Variants in PHACTR2 observed in about 807,000 individuals in gnomAD.
The protein encoded by PHACTR2 is phosphatase and actin regulator 2.
In PHACTR2, 30 loss-of-function variants were observed where a neutral mutation model predicts 76.0. That is an observed-to-expected ratio of 0.39 (90% CI 0.30 to 0.54). The LOEUF is 0.54. Ranked by LOEUF, PHACTR2 falls within the 20% of genes least tolerant of loss-of-function variation. The pLI is 0.61. For synonymous variants in PHACTR2, 292 were observed against 292.5 expected (o/e 1.00, Z 0.02); for missense variants, 696 against 781.1 (o/e 0.89, Z 1.30).
In PHACTR2 at chr6:143,595,360, A is replaced by G. The variant is rs1425005691; in HGVS notation, c.217+58153A>G. On this transcript the variant is annotated intron_variant, in intron 1 of 11. Coordinates refer to the PHACTR2 transcript ENST00000367584. This position sits in a 1 kb window ranked among gnomAD's most constrained non-coding sequence, Gnocchi z 4.2. ...TATTTCCAGCATTCGACCAAAATGC[A>G]GGGATTTGGGCCACATTTACTTGGC... is the stretch of plus-strand genomic sequence containing the variant. 6.6e-6 allele frequency among the ~76,000 whole-genome samples: 1 copy of G among 152,246 alleles called. No homozygotes were observed. The highest frequency in any genetic ancestry group is 2.4e-5 in the African/African-American group (1 of 41,468).
chr6:143,759,520 G>C (rs1779383463), intron 4 of PHACTR2, among the ~76,000 whole-genome samples: 2 of 152,006 alleles, frequency 1.3e-5, no homozygotes, highest in South Asian at 2.1e-4. Context: ...TGGGCGTGGT[G>C]GCAAACACCT....
chr6:143,771,228 A>G (rs1241662575), intron 6 of PHACTR2, among the ~76,000 whole-genome samples: 6 of 99,550 alleles, frequency 6.0e-5, no homozygotes, highest in Non-Finnish European at 9.5e-5. Flanking sequence ...ATATATATAT[A>G]TATATATGCT....
chr6:143,663,822 A>G lies in PHACTR2; in HGVS notation c.14-48194A>G, dbSNP rs1450834864. Among the ~76,000 whole-genome samples, 1 of 152,132 alleles carries G rather than the reference A, an allele frequency of 6.6e-6. No homozygotes were observed. Among genetic ancestry groups the G allele is most frequent in the Non-Finnish European group, 1.5e-5 (1 of 68,012 alleles). ...GATTACTTAATATGAATTACTTAAA[A>G]TTTATTGAGATTTCTGTTATGATCT... On this transcript the variant is annotated intron_variant, in intron 1 of 11. Transcript: ENST00000305766. This position sits in a 1 kb window ranked among gnomAD's most constrained non-coding sequence, Gnocchi z 4.1.
rs1169594605 is a variant in PHACTR2 at position 143,602,426 on chromosome 6, G to A, written c.217+65219G>A. Reference sequence around the variant, plus strand: ...TTTCCAACCTCATTTCTTGAGCCAGGACTCTCCATTCAAGCAGAGCCTGGC... The same window carrying A: ...TTTCCAACCTCATTTCTTGAGCCAGAACTCTCCATTCAAGCAGAGCCTGGC... On this transcript the variant is annotated intron_variant, in intron 1 of 11. Transcript: ENST00000367584. This position sits in a 1 kb window ranked among gnomAD's most constrained non-coding sequence, Gnocchi z 6.1. Among the ~76,000 whole-genome samples the A allele has an allele frequency of 6.6e-6, 1 of 152,162 alleles. No homozygotes were observed. Among genetic ancestry groups the A allele is most frequent in the Non-Finnish European group, 1.5e-5 (1 of 68,024 alleles).
intron 2 of PHACTR2, among the ~76,000 whole-genome samples, chr6:143,721,513 C>T (rs1046231979): frequency 3.3e-5 from 5 of 152,154 alleles, no homozygotes; most frequent in African/African-American, 1.2e-4. Context: ...TCTCCAGCAG[C>T]CCTGATAACA....
rs1775072945 is a variant in PHACTR2 at position 143,550,123 on chromosome 6, A to G, written c.217+12916A>G. ...CCACTCTGAGTTCACATATGAGTAGATGACAGAGTCGTATTATCTAATGTA... is the reference window on the plus strand; with the variant it reads ...CCACTCTGAGTTCACATATGAGTAGGTGACAGAGTCGTATTATCTAATGTA... On this transcript the variant is annotated intron_variant, in intron 1 of 11. Transcript: ENST00000367584. The surrounding 1 kb of genome is among the most constrained non-coding windows in gnomAD (Gnocchi z 4.8). Among the ~76,000 whole-genome samples the G allele has an allele frequency of 6.6e-6, 1 of 152,054 alleles. No individual in the cohort carries two copies. Among genetic ancestry groups the G allele is most frequent in the Non-Finnish European group, 1.5e-5 (1 of 67,954 alleles).
At chr6:143,798,234 T>C (rs1775871382) in intron 11 of PHACTR2, among the ~76,000 whole-genome samples, 7 of 152,240 alleles carry the variant, frequency 4.6e-5, no homozygotes, top group Admixed American at 4.6e-4. Context: ...CTTGTGATTT[T>C]TGCACATTGA....
rs981526165 is a variant in PHACTR2, at chr6:143,571,853, G to A, written c.217+34646G>A. ...GCCCTGCTTTCAGTATTATTTTAAT[G>A]TTAGATTTATAACGTTCTGTTCATG... On this transcript the variant is annotated intron_variant, in intron 1 of 11. Transcript: ENST00000367584. This position sits in a 1 kb window ranked among gnomAD's most constrained non-coding sequence, Gnocchi z 4.6. Among the ~76,000 whole-genome samples, 1 of 152,130 alleles carries A rather than the reference G, an allele frequency of 6.6e-6. No individual in the cohort carries two copies. The highest frequency in any genetic ancestry group is 1.5e-5 in the Non-Finnish European group (1 of 68,022).
At chr6:143,736,643 C>G (rs1025868741) in intron 2 of PHACTR2, among the ~76,000 whole-genome samples, 6 of 127,828 alleles carry the variant, frequency 4.7e-5, no homozygotes, top group African/African-American at 1.8e-4. Flanking sequence ...GGCAAGATCT[C>G]GGCTCACTGC....
At chr6:143,552,331 A>C (rs918513174) in intron 1 of PHACTR2, among the ~76,000 whole-genome samples, 10 of 152,218 alleles carry the variant, frequency 6.6e-5, no homozygotes, top group African/African-American at 2.4e-4. Flanking sequence ...ACTGGAATTC[A>C]CAGCCAAAGC....
chr6:143,711,962 T>C, intron 1 of PHACTR2, 54 bp from the exon 2 acceptor site: 1 of 1,527,914 alleles, frequency 6.5e-7, no homozygotes, highest in Non-Finnish European at 9.1e-7. Flanking sequence ...GATGATGTGG[T>C]TTTATTACAA....
intron 1 of PHACTR2, chr6:143,711,741 G>A: frequency 1.6e-6 from 1 of 630,724 alleles, no homozygotes; most frequent in Middle Eastern, 2.6e-4. Flanking sequence ...CAGCTGTGTT[G>A]CACAGACACT....
At position 143,585,654 on chromosome 6, in the gene PHACTR2, A is replaced by G. The variant is rs185249080; in HGVS notation, c.217+48447A>G. 6.6e-6 allele frequency among the ~76,000 whole-genome samples: 1 copy of G among 152,342 alleles called. No homozygotes were observed. The highest frequency in any genetic ancestry group is 1.9e-4 in the East Asian group (1 of 5,178). On this transcript the variant is annotated intron_variant, in intron 1 of 11. Coordinates refer to the PHACTR2 transcript ENST00000367584. This position sits in a 1 kb window ranked among gnomAD's most constrained non-coding sequence, Gnocchi z 5.2. ...ACCAGAAAGCAAGCTCCATGAAGGC[A>G]GAGACCCTCCCTGCTTATCACCAGG... is the stretch of plus-strand genomic sequence containing the variant.
At chr6:143,572,221 C>T (rs1775453429) in intron 1 of PHACTR2, among the ~76,000 whole-genome samples, 1 of 152,212 alleles carries the variant, frequency 6.6e-6, no homozygotes, top group Admixed American at 6.5e-5. Flanking sequence ...TAGCTCCTCA[C>T]TGGCTTGAAT....
chr6:143,804,489 C>T (rs1467996856), intron 11 of PHACTR2, among the ~76,000 whole-genome samples: 7 of 152,206 alleles, frequency 4.6e-5, no homozygotes, highest in Admixed American at 4.6e-4. Flanking sequence ...GAGAGACAGA[C>T]TTCACCTCTT....
chr6:143,811,627 G>A lies in PHACTR2; in HGVS notation c.1922+4494G>A, dbSNP rs1366330775. ...ATATTCATATCACCAAAATAAATAT[G>A]CCTTGCTTAAGTATTCTTAAACCTT... On this transcript the variant is annotated intron_variant, in intron 12 of 12. Coordinates refer to ENST00000440869, the MANE Select transcript of PHACTR2 (RefSeq NM_001100164.2). This position sits in a 1 kb window ranked among gnomAD's most constrained non-coding sequence, Gnocchi z 4.1. 2.0e-5 allele frequency among the ~76,000 whole-genome samples: 3 copies of A among 151,862 alleles called. No individual in the cohort carries two copies. The highest frequency in any genetic ancestry group is 7.3e-5 in the African/African-American group (3 of 41,304).
In PHACTR2 at chr6:143,782,689, C is replaced by T. The variant is rs1775458536; in HGVS notation, c.1646-530C>T. Among the ~76,000 whole-genome samples the T allele has an allele frequency of 6.6e-6, 1 of 152,166 alleles. No individual in the cohort carries two copies. Among genetic ancestry groups the T allele is most frequent in the Non-Finnish European group, 1.5e-5 (1 of 68,024 alleles). On this transcript the variant is annotated intron_variant, in intron 9 of 12. Transcript: ENST00000440869. This position sits in a 1 kb window ranked among gnomAD's most constrained non-coding sequence, Gnocchi z 4.6. Reference sequence around the variant, plus strand: ...CAAAGTCCAAGGAAATGCTTACATTCTGCTTCTATGGAAACGAAGGAAGAC... The same window carrying T: ...CAAAGTCCAAGGAAATGCTTACATTTTGCTTCTATGGAAACGAAGGAAGAC...
chr6:143,622,376 G>T (rs990858647), intron 1 of PHACTR2, among the ~76,000 whole-genome samples: 1 of 152,108 alleles, frequency 6.6e-6, no homozygotes, highest in East Asian at 1.9e-4. Context: ...CTGCTGCTTT[G>T]CTTGGCAATG....
rs1334134198 is a variant in PHACTR2 at position 143,820,403 on chromosome 6, G to A, written c.1923-3271G>A. On this transcript the variant is annotated intron_variant, in intron 12 of 12. Transcript: ENST00000440869. This position sits in a 1 kb window ranked among gnomAD's most constrained non-coding sequence, Gnocchi z 4.2. ...AACAAGTAAGTTATTTCCAAGATAT[G>A]GTGGAGATCTATACTGGGTAAACAT... 2.0e-5 allele frequency among the ~76,000 whole-genome samples: 3 copies of A among 152,174 alleles called. 1 individual carries two copies. The highest frequency in any genetic ancestry group is 2.1e-4 in the South Asian group (1 of 4,836).
Sources: gnomAD v4.1 joint callset for allele counts (sites outside exome capture counted in the v4.1 genomes callset) on GRCh38, gnomAD v4.1.1 for gene constraint, Gnocchi (gnomAD v3.1) non-coding constraint, MANE v1.5 for transcripts, NCBI Gene and HGNC (gene_info 2026-07-23, HGNC 2026-07-21) for gene names.